The following PANX1 variants were observed in gnomAD, a reference collection of about 807,000 sequenced individuals.
PANX1 encodes the protein pannexin 1.
A neutral mutation model predicts 38.7 loss-of-function variants in PANX1; 30 were observed. The observed-to-expected ratio is 0.78, with a 90% CI of 0.58 to 1.05. The LOEUF is 1.05. PANX1 is among the 50% of genes least tolerant of loss of function. The probability of loss-of-function intolerance (pLI) is 0.00; values close to 1 mark genes in which losing one functional copy is unlikely to be tolerated. For synonymous variants in PANX1, 230 were observed against 212.2 expected, an observed-to-expected ratio of 1.08 and a Z score of -0.73; for missense variants, 551 against 517.2, an observed-to-expected ratio of 1.07 and a Z score of -0.63.
chr11:94,177,505 G>A (rs1270465715), intron 2 of PANX1, among the ~76,000 whole-genome samples: 1 of 152,156 alleles, frequency 6.6e-6, no homozygotes, highest in African/African-American at 2.4e-5. Flanking sequence ...TAGTTCTGCA[G>A]AGTAGACATG....
chr11:94,178,033 C>A (rs543834278), intron 2 of PANX1, among the ~76,000 whole-genome samples: 1 of 148,316 alleles, frequency 6.7e-6, no homozygotes, highest in East Asian at 1.9e-4. Context: ...TTCGTGATAG[C>A]TGCAGGTTTC....
chr11:94,173,191 C>G (rs1947188176), intron 2 of PANX1, among the ~76,000 whole-genome samples: 1 of 151,706 alleles, frequency 6.6e-6, no homozygotes, highest in African/African-American at 2.4e-5. Flanking sequence ...TACCTACTTC[C>G]TACTTTCTGA....
intron 2 of PANX1, among the ~76,000 whole-genome samples, chr11:94,162,816 G>T (rs1734037832): frequency 6.6e-6 from 1 of 151,328 alleles, no homozygotes; most frequent in African/African-American, 2.4e-5. Flanking sequence ...CGCTCACACT[G>T]GGAGCTCTAG....
chr11:94,152,620 G>T (rs925345496), intron 1 of PANX1, among the ~76,000 whole-genome samples: 9 of 152,184 alleles, frequency 5.9e-5, no homozygotes, highest in Non-Finnish European at 1.5e-5. Flanking sequence ...CTGTGCTACT[G>T]GTGGGAAGGG....
At position 94,161,796 on chromosome 11, in the gene PANX1, T is replaced by C. The variant is rs150124126; in HGVS notation, c.321+8166T>C. Among the ~76,000 whole-genome samples, 208 of 152,336 alleles carry C rather than the reference T, an allele frequency of 1.4e-3. 1 individual carries two copies. The highest frequency in any genetic ancestry group is 4.6e-3 in the African/African-American group (193 of 41,582). ...CATTCCTTTGGAGGAGGAGAGGTGC[T>C]CTGATTTTTAGTTTCCAGTATTTCT... is the stretch of plus-strand genomic sequence containing the variant. On this transcript the variant is annotated intron_variant, in intron 2 of 4. Coordinates refer to ENST00000227638, the MANE Select transcript of PANX1 (RefSeq NM_015368.4).
intron 1 of PANX1, among the ~76,000 whole-genome samples, chr11:94,129,824 C>T (rs1479185639): frequency 6.6e-6 from 1 of 152,150 alleles, no homozygotes; most frequent in Admixed American, 6.5e-5. Context: ...CGTTTTTCAC[C>T]CCTGTCTCCT....
intron 2 of PANX1, among the ~76,000 whole-genome samples, chr11:94,156,075 T>C (rs1946945800): frequency 7.3e-6 from 1 of 136,602 alleles, no homozygotes; most frequent in Non-Finnish European, 1.6e-5. Context: ...GTCTAAGAGT[T>C]GGCAGGGGTG....
chr11:94,162,871 CTTTTT>C (rs59182320), intron 2 of PANX1, among the ~76,000 whole-genome samples: 2 of 107,464 alleles, frequency 1.9e-5, no homozygotes, highest in East Asian at 2.5e-4. Context: ...ACCAACCTCT[CTTTTT>C]TTTTTTTTTT....
intron 2 of PANX1, among the ~76,000 whole-genome samples, chr11:94,167,919 T>G (rs553480502): frequency 6.6e-6 from 1 of 152,302 alleles, no homozygotes; most frequent in East Asian, 1.9e-4. Context: ...CAGACAGTAG[T>G]GAACTCTGTT....
intron 1 of PANX1, among the ~76,000 whole-genome samples, chr11:94,147,500 C>CA (rs1946840698): frequency 6.6e-6 from 1 of 152,108 alleles, no homozygotes; most frequent in Non-Finnish European, 1.5e-5. Context: ...GGAAACCCCT[C>CA]AAACTGCTAC....
At chr11:94,131,788 C>A (rs1015162745) in intron 1 of PANX1, among the ~76,000 whole-genome samples, 2 of 152,106 alleles carry the variant, frequency 1.3e-5, no homozygotes, top group African/African-American at 4.8e-5. Flanking sequence ...GGAGTTGGTA[C>A]AGTGGGAGGG....
chr11:94,152,157 T>C (rs1251518334), intron 1 of PANX1, among the ~76,000 whole-genome samples: 1 of 152,212 alleles, frequency 6.6e-6, no homozygotes, highest in Admixed American at 6.5e-5. Flanking sequence ...CATCCCAGTC[T>C]TTAAGGCAAT....
At chr11:94,179,141 G>A (rs1947272409) in intron 3 of PANX1, among the ~76,000 whole-genome samples, 1 of 152,112 alleles carries the variant, frequency 6.6e-6, no homozygotes, top group Non-Finnish European at 1.5e-5. Flanking sequence ...TTAACCCTCA[G>A]AGCAACATTA....
chr11:94,150,128 T>C (rs1946868332), intron 1 of PANX1, among the ~76,000 whole-genome samples: 1 of 152,106 alleles, frequency 6.6e-6, no homozygotes, highest in Admixed American at 6.5e-5. Flanking sequence ...GAAGATGGTG[T>C]GTATGGGGCA....
At position 94,129,184 on chromosome 11, in the gene PANX1, G is replaced by C; in HGVS notation, c.-129G>C. The stretch of plus-strand genomic sequence containing the variant: ...GAGGCACCGAGACACAAAGGCAGGC[G>C]GGATGCGGGAGCAGGCAAAGGGAAA... On this transcript the variant is annotated 5_prime_UTR_variant, in exon 1 of 5. Transcript: ENST00000227638. The C allele has an allele frequency of 1.5e-6, 1 of 671,400 alleles. No individual in the cohort carries two copies. Among genetic ancestry groups the C allele is most frequent in the Non-Finnish European group, 2.4e-6 (1 of 416,128 alleles). The allele number at this position is 671,400 out of a possible 1,614,324, so 41.6% of individuals were successfully genotyped here.
chr11:94,156,935 TGTC>T (rs1027895996), intron 2 of PANX1, among the ~76,000 whole-genome samples: 2 of 151,936 alleles, frequency 1.3e-5, no homozygotes, highest in African/African-American at 4.8e-5. Context: ...GTCCATGTGT[TGTC>T]GTTGTTCAAT....
chr11:94,133,438 T>TC (rs1946653557), intron 1 of PANX1, among the ~76,000 whole-genome samples: 2 of 152,066 alleles, frequency 1.3e-5, no homozygotes, highest in South Asian at 4.1e-4. Flanking sequence ...CGGCAGCCAC[T>TC]CATTGGTCCA....
intron 1 of PANX1, among the ~76,000 whole-genome samples, chr11:94,140,890 TTAG>T (rs1309281343): frequency 2.0e-5 from 3 of 152,148 alleles, no homozygotes; most frequent in Non-Finnish European, 4.4e-5. Flanking sequence ...AAACAAAAAC[TTAG>T]TAATAAGAAT....
Position 94,157,797 on chromosome 11 carries a change from T to G in PANX1, c.321+4167T>G, listed in dbSNP as rs1359666834. Among the ~76,000 whole-genome samples, 5 of 152,340 alleles carry G rather than the reference T, an allele frequency of 3.3e-5. No individual in the cohort carries two copies. In the East Asian group the frequency reaches 9.6e-4, roughly 29 times the overall value. ...TTTGTTGCCATTGCTTTTGGTGTTT[T>G]AGACATGAAGTCCTTGCCCATGCCT... On this transcript the variant is annotated intron_variant, in intron 2 of 4. Coordinates refer to ENST00000227638, the MANE Select transcript of PANX1 (RefSeq NM_015368.4).
Sources: allele counts gnomAD v4.1 joint callset (sites outside exome capture counted in the v4.1 genomes callset), GRCh38; gene constraint gnomAD v4.1.1; transcripts MANE v1.5; gene names NCBI Gene and HGNC (gene_info 2026-07-23, HGNC 2026-07-21).